PCDH11X: variants seen among roughly 807,000 people sequenced by gnomAD.
The protein encoded by PCDH11X is protocadherin-11 X-linked.
PCDH11X carries 18 observed loss-of-function variants against 53.3 expected under a neutral mutation model. That is an observed-to-expected ratio of 0.34 (90% CI 0.23 to 0.50). The LOEUF is 0.50. PCDH11X is among the 20% of genes least tolerant of loss of function. The pLI is 0.98. For synonymous variants in PCDH11X, 279 were observed against 393.3 expected, an observed-to-expected ratio of 0.71 and a Z score of 3.44; for missense variants, 570 against 1,032.4, an observed-to-expected ratio of 0.55 and a Z score of 6.14.
At chrX:92,571,525 G>A (rs773252369) in intron 10 of PCDH11X, among the ~76,000 whole-genome samples, 1 of 107,846 alleles carries the variant, frequency 9.3e-6, no homozygotes, top group African/African-American at 3.4e-5. Flanking sequence ...GGAGTTTGTT[G>A]GAGCATAACT....
intron 7 of PCDH11X, among the ~76,000 whole-genome samples, chrX:92,211,249 C>A (rs2066580371): frequency 9.0e-6 from 1 of 111,456 alleles, no homozygotes; most frequent in Non-Finnish European, 1.9e-5. Context: ...GAACGAGAAG[C>A]CAGCACATCT....
chrX:91,832,407 A>G (rs1266158022), intron 4 of PCDH11X, among the ~76,000 whole-genome samples: 1 of 102,769 alleles, frequency 9.7e-6, no homozygotes, highest in Non-Finnish European at 2.0e-5. Flanking sequence ...AAAACCAAAC[A>G]CCACATATTC....
In PCDH11X at chrX:91,823,814, G is replaced by A. The variant is rs753347252; in HGVS notation, c.-44-11647G>A. On this transcript the variant is annotated intron_variant, in intron 4 of 10. Coordinates refer to ENST00000682573, the MANE Select transcript of PCDH11X (RefSeq NM_032968.5). ...GCATGATTTTGCAGTGGCTGGTACC[G>A]GTTGTTCCTTTCCATATTTAGCGCT... Among the ~76,000 whole-genome samples, 178 of 111,103 alleles carry A rather than the reference G, an allele frequency of 1.6e-3. 1 individual carries two copies. Among genetic ancestry groups the A allele is most frequent in the African/African-American group, 5.4e-3 (163 of 30,458 alleles).
intron 8 of PCDH11X, among the ~76,000 whole-genome samples, chrX:92,375,279 C>T (rs2070725652): frequency 1.2e-5 from 1 of 86,765 alleles, no homozygotes; most frequent in African/African-American, 4.4e-5. Flanking sequence ...GGGTTCATGC[C>T]ATTCTCCTGC....
At chrX:91,840,055 A>AT (rs1937467523) in intron 5 of PCDH11X, among the ~76,000 whole-genome samples, 2 of 110,960 alleles carry the variant, frequency 1.8e-5, no homozygotes, top group East Asian at 2.9e-4. Context: ...TATTGTAAGT[A>AT]TTTTTTGACA....
chrX:92,543,287 G>T (rs1011580430), intron 10 of PCDH11X, among the ~76,000 whole-genome samples: 7 of 102,073 alleles, frequency 6.9e-5, no homozygotes, highest in African/African-American at 1.8e-4. Context: ...TTCTCCAATC[G>T]TGATTGAAAG....
intron 7 of PCDH11X, among the ~76,000 whole-genome samples, chrX:92,242,105 A>G (rs987582618): frequency 1.2e-4 from 13 of 108,350 alleles, no homozygotes; most frequent in Middle Eastern, 5.5e-3. Flanking sequence ...CTCAAAAAAA[A>G]AAAAGATACT....
chrX:92,330,818 C>A (rs1330462354), intron 8 of PCDH11X, among the ~76,000 whole-genome samples: 5 of 104,821 alleles, frequency 4.8e-5, no homozygotes, highest in Admixed American at 2.1e-4. Flanking sequence ...ACCAAACAAG[C>A]ATGCATACTG....
chrX:91,957,591 C>T (rs992828699), intron 6 of PCDH11X, among the ~76,000 whole-genome samples: 1 of 110,872 alleles, frequency 9.0e-6, no homozygotes, highest in African/African-American at 3.3e-5. Flanking sequence ...CTGGAAGTAT[C>T]ACCAGTGAAG....
At chrX:92,599,514 A>G (rs1050031409) in intron 10 of PCDH11X, among the ~76,000 whole-genome samples, 7 of 112,303 alleles carry the variant, frequency 6.2e-5, no homozygotes, top group Non-Finnish European at 1.1e-4. Flanking sequence ...GCCTGCCGCC[A>G]TGTAAGGCAT....
At chrX:92,003,013 A>AGTAT (rs1569301931) in intron 6 of PCDH11X, among the ~76,000 whole-genome samples, 12 of 94,110 alleles carry the variant, frequency 1.3e-4, no homozygotes, top group Non-Finnish European at 1.7e-4. Flanking sequence ...TCACTGTGAT[A>AGTAT]CTATGTATTA....
rs1444958265 is a variant in PCDH11X at position 92,140,960 on chromosome X, A to G, written c.3034-60415A>G. ...AAAAAAGCTATAAAAATATCTATAT[A>G]AGTGTTATACATTTTTATTTATTAT... On this transcript the variant is annotated intron_variant, in intron 6 of 10. Transcript: ENST00000682573. 1.3e-4 allele frequency among the ~76,000 whole-genome samples: 14 copies of G among 111,868 alleles called. No individual in the cohort carries two copies. In the South Asian group the frequency reaches 4.8e-3, roughly 38 times the overall value.
chrX:92,236,770 CT>C (rs1363424065), intron 7 of PCDH11X, among the ~76,000 whole-genome samples: 1 of 110,762 alleles, frequency 9.0e-6, no homozygotes, highest in African/African-American at 3.3e-5. Context: ...GGCATAAATC[CT>C]TTTATCTGGT....
At position 92,105,383 on chromosome X, in the gene PCDH11X, C is replaced by T. The variant is rs1257090677; in HGVS notation, c.3034-95992C>T. ...TCTTACGGAGCAAAAAGCAGGAGGACAGGGGATTGATCTCCCAAGGGAGGT... is the reference window on the plus strand; with the variant it reads ...TCTTACGGAGCAAAAAGCAGGAGGATAGGGGATTGATCTCCCAAGGGAGGT... On this transcript the variant is annotated intron_variant, in intron 6 of 10. Transcript: ENST00000682573. 3.6e-5 allele frequency among the ~76,000 whole-genome samples: 4 copies of T among 110,526 alleles called. No individual in the cohort carries two copies. In the Admixed American group the frequency reaches 3.9e-4, roughly 11 times the overall value.
chrX:92,399,698 A>G (rs2071339021), intron 9 of PCDH11X, among the ~76,000 whole-genome samples: 1 of 110,214 alleles, frequency 9.1e-6, no homozygotes. Context: ...CCACACACAC[A>G]AATGTGTACA....
At chrX:91,795,332 T>C (rs1935696354) in intron 1 of PCDH11X, among the ~76,000 whole-genome samples, 1 of 111,605 alleles carries the variant, frequency 9.0e-6, no homozygotes, top group Non-Finnish European at 1.9e-5. Flanking sequence ...CAGTCTGAAA[T>C]GGAATTTAGG....
intron 4 of PCDH11X, among the ~76,000 whole-genome samples, chrX:91,816,752 G>A (rs191264461): frequency 1.1e-3 from 119 of 111,323 alleles, no homozygotes; most frequent in Admixed American, 1.6e-3. Flanking sequence ...GAGTGAAAGG[G>A]TAATTGGCTA....
chrX:92,042,773 A>G (rs1397965465), intron 6 of PCDH11X, among the ~76,000 whole-genome samples: 2 of 103,190 alleles, frequency 1.9e-5, no homozygotes, highest in Non-Finnish European at 3.9e-5. Flanking sequence ...AGTAGCTGGG[A>G]TTGCAGGCTC....
chrX:91,988,684 T>C (rs1334814550), intron 6 of PCDH11X, among the ~76,000 whole-genome samples: 1 of 112,933 alleles, frequency 8.9e-6, no homozygotes, highest in African/African-American at 3.2e-5. Flanking sequence ...CTGGATATTT[T>C]GCAATTACTT....
Sources: allele counts gnomAD v4.1 joint callset (sites outside exome capture counted in the v4.1 genomes callset), GRCh38; gene constraint gnomAD v4.1.1; transcripts MANE v1.5; gene names NCBI Gene and HGNC (gene_info 2026-07-23, HGNC 2026-07-21).